The following PYHIN1 variants were observed in gnomAD, a reference collection of about 807,000 sequenced individuals.
PYHIN1 encodes the protein pyrin and HIN domain-containing protein 1.
Under a neutral mutation model 43.7 loss-of-function variants are expected in PYHIN1, and 32 were observed. That is an observed-to-expected ratio of 0.73 (90% CI 0.55 to 0.98). The LOEUF (loss-of-function observed/expected upper bound fraction) is 0.98, where lower values mean the gene tolerates loss of function less well. Among genes scored for constraint, PYHIN1 ranks in the 50% least tolerant of loss-of-function variants. The pLI is 0.00. For synonymous variants in PYHIN1, 205 were observed against 203.1 expected (o/e 1.01, Z -0.08); for missense variants, 588 against 589.5 (o/e 1.00, Z 0.03).
At chr1:158,955,776 G>A (rs1165120806) in intron 7 of PYHIN1, among the ~76,000 whole-genome samples, 2 of 89,988 alleles carry the variant, frequency 2.2e-5, no homozygotes, top group Non-Finnish European at 4.8e-5. Context: ...AGGAAATAGA[G>A]ACACAAAAAA....
At chr1:158,984,906 C>T in the PYHIN1 span, among the ~76,000 whole-genome samples, 20 of 151,764 alleles carry the variant, frequency 1.3e-4, no homozygotes, top group African/African-American at 3.9e-4. Context: ...TTATGTGATG[C>T]CCTTCTTCAT....
chr1:158,947,468 C>T (rs1412225332), intron 7 of PYHIN1, among the ~76,000 whole-genome samples: 2 of 152,224 alleles, frequency 1.3e-5, no homozygotes, highest in Non-Finnish European at 2.9e-5. Context: ...AAGATTGCTT[C>T]CTTTGCTGGG....
In PYHIN1 at chr1:158,933,750, C is replaced by G. The variant is rs1258972039; in HGVS notation, c.-21+1974C>G. Among the ~76,000 whole-genome samples the G allele has an allele frequency of 6.6e-6, 1 of 151,910 alleles. No individual in the cohort carries two copies. Among genetic ancestry groups the G allele is most frequent in the Non-Finnish European group, 1.5e-5 (1 of 67,946 alleles). ...CCTTTAAGACAATTACATTAGTAAACTCATATTCTTTTTCTTCCCTCCCTC... is the reference window on the plus strand; with the variant it reads ...CCTTTAAGACAATTACATTAGTAAAGTCATATTCTTTTTCTTCCCTCCCTC... On this transcript the variant is annotated intron_variant, in intron 1 of 8. Transcript: ENST00000368140. This position sits in a 1 kb window ranked among gnomAD's most constrained non-coding sequence, Gnocchi z 6.3.
At chr1:158,935,790 C>T (rs1243504225) in intron 1 of PYHIN1, among the ~76,000 whole-genome samples, 1 of 152,086 alleles carries the variant, frequency 6.6e-6, no homozygotes, top group Non-Finnish European at 1.5e-5. Flanking sequence ...AAACAACAGG[C>T]AGGTTTTGGG....
the PYHIN1 span, among the ~76,000 whole-genome samples, chr1:158,989,754 G>A: frequency 2.6e-5 from 4 of 152,172 alleles, no homozygotes; most frequent in African/African-American, 9.6e-5. Context: ...ATAAATTTCT[G>A]TTGCTCAAGC....
intron 7 of PYHIN1, among the ~76,000 whole-genome samples, chr1:158,947,209 ATT>A (rs1313449739): frequency 6.6e-6 from 1 of 152,178 alleles, no homozygotes; most frequent in East Asian, 1.9e-4. Flanking sequence ...ACCTTATTAG[ATT>A]TTGTCTTTTG....
At chr1:158,952,717 T>C (rs1649630630) in intron 7 of PYHIN1, among the ~76,000 whole-genome samples, 2 of 152,158 alleles carry the variant, frequency 1.3e-5, no homozygotes, top group Admixed American at 1.3e-4. Flanking sequence ...CCCTTGAGCA[T>C]AATGTTGTTT....
At position 158,942,282 on chromosome 1, in the gene PYHIN1, C is replaced by T. The variant is rs747417138; in HGVS notation, c.885C>T (p.Asp295=). 11 of 1,614,006 alleles carry T rather than the reference C, an allele frequency of 6.8e-6. No individual in the cohort carries two copies. Among genetic ancestry groups the T allele is most frequent in the Non-Finnish European group, 8.5e-7 (1 of 1,179,958 alleles). The change falls in exon 5 of 9, where the codon GAC becomes GAT. Residue 295 remains aspartate (D), a synonymous_variant. Coordinates refer to ENST00000368140, the MANE Select transcript of PYHIN1 (RefSeq NM_152501.5). Reference sequence around the variant, plus strand: ...CTTCTGTATCTGAAGCTGGTCCTGACCAAACGTTTGAGGTTCCAAAGGACA... The same window carrying T: ...CTTCTGTATCTGAAGCTGGTCCTGATCAAACGTTTGAGGTTCCAAAGGACA... ...EASSVSEAGP[D]QTFEVPKDII...
chr1:158,963,473 A>G (rs1650444272), intron 7 of PYHIN1, among the ~76,000 whole-genome samples: 3 of 152,196 alleles, frequency 2.0e-5, no homozygotes, highest in South Asian at 4.1e-4. Context: ...GGGAACATAA[A>G]ATCTGAGCTC....
chr1:158,953,060 C>T (rs970261327), intron 7 of PYHIN1, among the ~76,000 whole-genome samples: 10 of 152,192 alleles, frequency 6.6e-5, no homozygotes, highest in African/African-American at 1.7e-4. Context: ...TAAAAAATGG[C>T]GCACCAGGAG....
chr1:158,983,452 C>T, the PYHIN1 span, among the ~76,000 whole-genome samples: 8 of 151,918 alleles, frequency 5.3e-5, no homozygotes, highest in South Asian at 4.1e-4. Flanking sequence ...TACCAATTTG[C>T]GTATGTTGAA....
intron 7 of PYHIN1, among the ~76,000 whole-genome samples, chr1:158,957,446 T>C (rs1226010227): frequency 6.6e-5 from 10 of 151,752 alleles, no homozygotes; most frequent in African/African-American, 1.9e-4. Flanking sequence ...GCAGAAATAA[T>C]GCCGCATATC....
intron 1 of PYHIN1, among the ~76,000 whole-genome samples, chr1:158,936,359 C>T (rs1160149803): frequency 6.6e-6 from 1 of 151,428 alleles, no homozygotes; most frequent in Admixed American, 6.6e-5. Flanking sequence ...TGGTTTCCAG[C>T]TTCATCATCC....
intron 7 of PYHIN1, among the ~76,000 whole-genome samples, chr1:158,966,133 G>T (rs1439850120): frequency 6.6e-6 from 1 of 152,112 alleles, no homozygotes; most frequent in Admixed American, 6.6e-5. Context: ...TAGAAGAAAT[G>T]GATAAATTCC....
At chr1:158,969,560 A>G (rs1650821499) in intron 7 of PYHIN1, among the ~76,000 whole-genome samples, 1 of 151,936 alleles carries the variant, frequency 6.6e-6, no homozygotes, top group African/African-American at 2.4e-5. Context: ...TGACTGGTGA[A>G]TTCCAATAAT....
chr1:158,964,194 G>A (rs952814756), intron 7 of PYHIN1, among the ~76,000 whole-genome samples: 7 of 152,066 alleles, frequency 4.6e-5, no homozygotes, highest in African/African-American at 1.7e-4. Context: ...GAATTAAAAA[G>A]AATGAAAAAT....
intron 7 of PYHIN1, among the ~76,000 whole-genome samples, chr1:158,954,809 A>C (rs2101690115): frequency 6.6e-6 from 1 of 151,462 alleles, no homozygotes; most frequent in African/African-American, 2.4e-5. Context: ...AGACTGGCAA[A>C]TTGGATAAAG....
At position 158,976,824 on chromosome 1, in the gene PYHIN1, C is replaced by CA; in HGVS notation, c.*132dup. 1 of 652,736 alleles carries CA rather than the reference C, an allele frequency of 1.5e-6. No individual in the cohort carries two copies. Among genetic ancestry groups the CA allele is most frequent in the Non-Finnish European group, 2.6e-6 (1 of 380,164 alleles). The allele number at this position is 652,736 out of a possible 1,614,324, so 40.4% of individuals were successfully genotyped here. ...GTAATGATGTTTATGAAGATAAGATCAAAGCACAGAAAATAATATATGTAT... is the reference window on the plus strand; with the variant it reads ...GTAATGATGTTTATGAAGATAAGATCAAAAGCACAGAAAATAATATATGTAT... On this transcript the variant is annotated 3_prime_UTR_variant, in exon 9 of 9. Coordinates refer to ENST00000368140, the MANE Select transcript of PYHIN1 (RefSeq NM_152501.5).
chr1:158,977,805 A>G (rs1014460841), downstream of PYHIN1, among the ~76,000 whole-genome samples: 4 of 152,156 alleles, frequency 2.6e-5, no homozygotes, highest in Non-Finnish European at 4.4e-5. Flanking sequence ...GTGGTCTTAT[A>G]TAGTCCTTGA....
Sources: gnomAD v4.1 joint callset for allele counts (sites outside exome capture counted in the v4.1 genomes callset) on GRCh38, gnomAD v4.1.1 for gene constraint, Gnocchi (gnomAD v3.1) non-coding constraint, MANE v1.5 for transcripts, NCBI Gene and HGNC (gene_info 2026-07-23, HGNC 2026-07-21) for gene names.